The following USP7 variants were observed in gnomAD, a reference collection of about 807,000 sequenced individuals.
The protein encoded by USP7 is ubiquitin specific peptidase 7, also known as ubiquitin C-terminal hydrolase 7.
Under a neutral mutation model 162.9 loss-of-function variants are expected in USP7, and 9 were observed. That is an observed-to-expected ratio of 0.06 (90% CI 0.03 to 0.10). The LOEUF is 0.10. USP7 is among the 10% of genes least tolerant of loss of function. The probability of loss-of-function intolerance (pLI) is 1.00; values close to 1 mark genes in which losing one functional copy is unlikely to be tolerated. For missense variants in USP7, 715 were observed against 1,373.7 expected (o/e 0.52, Z 7.58); for synonymous variants, 562 against 475.9 (o/e 1.18, Z -2.35).
intron 1 of USP7, among the ~76,000 whole-genome samples, chr16:8,961,506 G>GC (rs1018621734): frequency 2.4e-5 from 3 of 125,122 alleles, no homozygotes; most frequent in Admixed American, 7.8e-5. Flanking sequence ...AAAAAAAAAG[G>GC]GGGGGGGGGG....
chr16:8,945,686 T>C (rs184426763), intron 1 of USP7, among the ~76,000 whole-genome samples: 52 of 152,286 alleles, frequency 3.4e-4, no homozygotes, highest in Non-Finnish European at 4.3e-4. Flanking sequence ...GGATTTTTCA[T>C]AGCTAAGGAC....
chr16:8,948,694 G>T (rs1339795895), intron 1 of USP7, among the ~76,000 whole-genome samples: 2 of 152,316 alleles, frequency 1.3e-5, no homozygotes, highest in East Asian at 3.9e-4. Flanking sequence ...GATGAACCTT[G>T]AGGATATTAA....
chr16:8,945,960 A>G (rs540745289), intron 1 of USP7, among the ~76,000 whole-genome samples: 1 of 152,178 alleles, frequency 6.6e-6, no homozygotes, highest in African/African-American at 2.4e-5. Flanking sequence ...AAGCTTCCAT[A>G]ATCAAGACAG....
intron 25 of USP7, among the ~76,000 whole-genome samples, chr16:8,898,099 G>A (rs1336128934): frequency 6.6e-6 from 1 of 152,078 alleles, no homozygotes; most frequent in Admixed American, 6.5e-5. Flanking sequence ...AAGTGGCAAT[G>A]CGCAAGCATC....
intron 1 of USP7, among the ~76,000 whole-genome samples, chr16:8,958,866 A>T (rs1899904038): frequency 6.6e-6 from 1 of 152,252 alleles, no homozygotes; most frequent in South Asian, 2.1e-4. Context: ...AAGCACATCA[A>T]GCCCAAGATT....
chr16:8,922,276 G>A (rs1463201077), intron 3 of USP7, among the ~76,000 whole-genome samples: 1 of 152,202 alleles, frequency 6.6e-6, no homozygotes, highest in Non-Finnish European at 1.5e-5. Flanking sequence ...ATCACCTGAG[G>A]TCAGGAGTTC....
At chr16:8,906,728 CG>C in intron 12 of USP7, 146 bp from the exon 13 acceptor site, 1 of 732,334 alleles carries the variant, frequency 1.4e-6, no homozygotes, top group East Asian at 2.7e-5. Context: ...AAGTACATAA[CG>C]TAATCCGTAC....
intron 1 of USP7, among the ~76,000 whole-genome samples, chr16:8,933,614 G>A (rs961214225): frequency 2.6e-5 from 4 of 152,160 alleles, no homozygotes; most frequent in South Asian, 4.1e-4. Flanking sequence ...ATGTGTATGC[G>A]CTATCATTTT....
intron 1 of USP7, chr16:8,936,634 G>C: frequency 6.4e-7 from 1 of 1,556,630 alleles, no homozygotes; most frequent in Non-Finnish European, 8.6e-7. Flanking sequence ...CTCTGCAGTG[G>C]CCTCTGCTGG....
At chr16:8,960,795 GC>G (rs1188113355) in intron 1 of USP7, among the ~76,000 whole-genome samples, 1 of 152,178 alleles carries the variant, frequency 6.6e-6, no homozygotes, top group Non-Finnish European at 1.5e-5. Flanking sequence ...CAATCGTAAG[GC>G]TAGTACCACA....
rs1285507074 is a variant in USP7, at chr16:8,894,021, T to C, written c.3286A>G (p.Lys1096Glu). Reference sequence around the variant, plus strand: ...AATCAGTTATGGATTTTAATGGCCTTTTCAAGGTAAGTGTAGCGACTCCTC... The same window carrying C: ...AATCAGTTATGGATTTTAATGGCCTCTTCAAGGTAAGTGTAGCGACTCCTC... ...PKRSRYTYLE[K>E]AIKIHN The change falls in exon 31 of 31, where the codon AAG (lysine) becomes GAG (glutamate). Residue 1096 changes from lysine to glutamate, a missense_variant. Physicochemically the swap from Lys to Glu is moderately conservative, Grantham distance 56 (BLOSUM62 1). Transcript: ENST00000344836. The C allele has an allele frequency of 6.2e-7, 1 of 1,614,082 alleles. No individual in the cohort carries two copies. The highest frequency in any genetic ancestry group is 8.5e-7 in the Non-Finnish European group (1 of 1,180,032).
chr16:8,914,571 TC>T (rs1482383800), intron 10 of USP7, among the ~76,000 whole-genome samples: 1 of 152,148 alleles, frequency 6.6e-6, no homozygotes, highest in Non-Finnish European at 1.5e-5. Flanking sequence ...ACAAAAATGA[TC>T]AAACTATGAC....
intron 2 of USP7, among the ~76,000 whole-genome samples, chr16:8,926,005 T>C (rs1205167746): frequency 2.7e-5 from 4 of 150,384 alleles, no homozygotes; most frequent in African/African-American, 9.8e-5. Flanking sequence ...CTACAAAAAA[T>C]TAGCCGGGTG....
chr16:8,944,331 A>C (rs796319585), intron 1 of USP7, among the ~76,000 whole-genome samples: 13 of 151,940 alleles, frequency 8.6e-5, no homozygotes, highest in African/African-American at 2.7e-4. Flanking sequence ...AGTCAGGAGG[A>C]GGCCAGAGTC....
At chr16:8,939,347 T>C (rs1044636563) in intron 1 of USP7, among the ~76,000 whole-genome samples, 4 of 152,164 alleles carry the variant, frequency 2.6e-5, no homozygotes, top group African/African-American at 9.7e-5. Context: ...GCTATATAAA[T>C]GGACACAGTG....
intron 1 of USP7, among the ~76,000 whole-genome samples, chr16:8,947,296 ATTT>A (rs1159316039): frequency 6.6e-6 from 1 of 152,090 alleles, no homozygotes; most frequent in African/African-American, 2.4e-5. Context: ...GAAAATAATT[ATTT>A]TTTATACAAC....
chr16:8,943,871 A>G (rs1179479569), intron 1 of USP7, among the ~76,000 whole-genome samples: 1 of 152,220 alleles, frequency 6.6e-6, no homozygotes, highest in Non-Finnish European at 1.5e-5. Flanking sequence ...TTTAAACATA[A>G]GTTTAATTTT....
At chr16:8,901,265 A>G (rs1374605901) in intron 18 of USP7, 31 bp from the exon 19 acceptor site, 1 of 1,483,206 alleles carries the variant, frequency 6.7e-7, no homozygotes, top group African/African-American at 1.4e-5. Context: ...TTTTGTTAAG[A>G]TCCAAACACT....
At chr16:8,960,044 G>T (rs943576908) in intron 1 of USP7, among the ~76,000 whole-genome samples, 29 of 152,316 alleles carry the variant, frequency 1.9e-4, no homozygotes, top group African/African-American at 6.3e-4. Context: ...TGATTCAATA[G>T]CGTCTACACC....
Sources: gnomAD v4.1 joint callset for allele counts (sites outside exome capture counted in the v4.1 genomes callset) on GRCh38, gnomAD v4.1.1 for gene constraint, MANE v1.5 for transcripts, NCBI Gene and HGNC (gene_info 2026-07-23, HGNC 2026-07-21) for gene names.